Variants in EMC10 observed in about 807,000 individuals in gnomAD.
EMC10 encodes UPF0510 protein INM02.
EMC10 carries 40 observed loss-of-function variants against 32.2 expected under a neutral mutation model. The ratio of observed to expected loss-of-function variants is 1.24; its 90% CI spans 0.96 to 1.61. The LOEUF is 1.61. Ranked by LOEUF, EMC10 falls within the 40% of genes most tolerant of loss-of-function variation. EMC10 has a pLI of 0.00. For synonymous variants in EMC10, 178 were observed against 158.4 expected (o/e 1.12, Z -0.93); for missense variants, 402 against 357.7 (o/e 1.12, Z -1.00).
chr19:50,476,718 C>A, intron 1 of EMC10, 60 bp downstream of exon 1: 1 of 1,099,934 alleles, frequency 9.1e-7, no homozygotes, highest in Non-Finnish European at 1.2e-6. Flanking sequence ...GGTCTTGGGT[C>A]TTTAGGTGAG....
Position 50,486,577 on chromosome 19 carries a change from T to C in EMC10, c.*4318T>C, listed in dbSNP as rs992066981. On this transcript the variant is annotated 3_prime_UTR_variant, in exon 7 of 7. Coordinates refer to ENST00000334976, the MANE Select transcript of EMC10 (RefSeq NM_206538.4). ...TCTTCAGCTGTCAGTCCATCCTCCTTTATTTGTACCCACCTTCCAGTCAGC... is the reference window on the plus strand; with the variant it reads ...TCTTCAGCTGTCAGTCCATCCTCCTCTATTTGTACCCACCTTCCAGTCAGC... 3.3e-5 allele frequency: 5 copies of C among 152,114 alleles called. No individual in the cohort carries two copies. Among genetic ancestry groups the C allele is most frequent in the African/African-American group, 7.2e-5 (3 of 41,418 alleles). The allele number at this position is 152,114 out of a possible 1,614,324, so 9.4% of individuals were successfully genotyped here. A position where few individuals can be genotyped will look rare whatever the true frequency, so the allele number is the denominator to read the frequency against.
Position 50,479,028 on chromosome 19 carries a change from CA to C in EMC10, c.260del (p.Gln87ArgfsTer18). The C allele has an allele frequency of 6.2e-7, 1 of 1,610,422 alleles. No homozygotes were observed. Among genetic ancestry groups the C allele is most frequent in the Non-Finnish European group, 8.5e-7 (1 of 1,179,236 alleles). ...GCAGGATGGTACCTTGTCCCTGTCA[CA>C]GCGGCAGCTCAGCGAGGAGGAGCGG... ...NQQDGTLSLS[Q>X]RQLSEEERGR... On this transcript the variant is annotated frameshift_variant, in exon 3 of 7. Coordinates refer to ENST00000334976, the MANE Select transcript of EMC10 (RefSeq NM_206538.4). LOFTEE classifies it high-confidence loss of function.
Position 50,483,988 on chromosome 19 carries a change from C to T in EMC10, c.*1729C>T, listed in dbSNP as rs2040361817. On this transcript the variant is annotated 3_prime_UTR_variant, in exon 7 of 7. Transcript: ENST00000334976. ...CATGTGAATCCTGCTTCATTCTTTTCCTAGAGGATTCCAGAAATATTTACT... is the reference window on the plus strand; with the variant it reads ...CATGTGAATCCTGCTTCATTCTTTTTCTAGAGGATTCCAGAAATATTTACT... The T allele has an allele frequency of 7.1e-6, 1 of 140,780 alleles. No homozygotes were observed. The highest frequency in any genetic ancestry group is 1.5e-5 in the Non-Finnish European group (1 of 65,666). The allele number at this position is 140,780 out of a possible 1,614,324, so 8.7% of individuals were successfully genotyped here.
At chr19:50,481,556 A>C in intron 6 of EMC10, 1 of 428,434 alleles carries the variant, frequency 2.3e-6, no homozygotes, top group Non-Finnish European at 4.2e-6. Context: ...GACTGGTGTT[A>C]GGTTGTGGCA....
intron 6 of EMC10, chr19:50,481,854 TC>T: frequency 6.4e-7 from 1 of 1,567,740 alleles, no homozygotes; most frequent in Non-Finnish European, 8.6e-7. Context: ...GCTCCCTCCC[TC>T]CCCAGTGGCA....
At position 50,485,170 on chromosome 19, in the gene EMC10, G is replaced by A. The variant is rs929594106; in HGVS notation, c.*2911G>A. The A allele has an allele frequency of 6.6e-6, 1 of 152,222 alleles. No homozygotes were observed. The highest frequency in any genetic ancestry group is 2.4e-5 in the African/African-American group (1 of 41,424). The allele number at this position is 152,222 out of a possible 1,614,324, so 9.4% of individuals were successfully genotyped here. ...CTGCTGCATCATTTTGCACACATAT[G>A]TGTCTGTGGAAGACATGGCCCGGTG... is the stretch of plus-strand genomic sequence containing the variant. On this transcript the variant is annotated 3_prime_UTR_variant, in exon 7 of 7. Coordinates refer to ENST00000334976, the MANE Select transcript of EMC10 (RefSeq NM_206538.4).
Position 50,480,872 on chromosome 19 carries a change from C to A in EMC10, c.585-12C>A. 1 of 1,596,294 alleles carries A rather than the reference C, an allele frequency of 6.3e-7. No individual in the cohort carries two copies. The highest frequency in any genetic ancestry group is 8.6e-7 in the Non-Finnish European group (1 of 1,168,496). ...CGGGCCTCACCCTTCTCCTCCTCTC[C>A]CCTTGCCCCAGCCCTGAGACGGCGG... On this transcript the variant is annotated splice_polypyrimidine_tract_variant and intron_variant, in intron 5 of 6. Transcript: ENST00000334976. The surrounding 1 kb of genome is among the most constrained non-coding windows in gnomAD (Gnocchi z 4.4).
chr19:50,480,739 G>A lies in EMC10; in HGVS notation c.561G>A (p.Leu187=), dbSNP rs148959167. ...DLELFNTSVQ[L]QPPTTAPGPE... ...AGCTGTTCAACACCTCGGTGCAGCT[G>A]CAGCCGCCCACCACAGCCCCAGGGT... The change falls in exon 5 of 7, where the codon CTG becomes CTA. Residue 187 remains leucine, a synonymous_variant. Coordinates refer to ENST00000334976, the MANE Select transcript of EMC10 (RefSeq NM_206538.4). This position sits in a 1 kb window ranked among gnomAD's most constrained non-coding sequence, Gnocchi z 4.4. The A allele has an allele frequency of 6.1e-5, 97 of 1,598,016 alleles. No homozygotes were observed. Among genetic ancestry groups the A allele is most frequent in the Non-Finnish European group, 8.1e-5 (95 of 1,172,572 alleles).
rs778882014 is a variant in EMC10 at position 50,480,667 on chromosome 19, G to A, written c.489G>A (p.Thr163=). 8.1e-6 allele frequency: 13 copies of A among 1,598,462 alleles called. No individual in the cohort carries two copies. The highest frequency in any genetic ancestry group is 1.7e-4 in the Middle Eastern group (1 of 6,042). ...AGNVVGVSVV[T]HPGGCRGHEV... Reference sequence around the variant, plus strand: ...ACGTGGTGGGCGTGTCGGTGGTGACGCACCCCGGGGGCTGCCGGGGCCATG... The same window carrying A: ...ACGTGGTGGGCGTGTCGGTGGTGACACACCCCGGGGGCTGCCGGGGCCATG... Residue 163 remains threonine, a synonymous_variant, in exon 5 of 7, where the codon ACG becomes ACA. Coordinates refer to ENST00000334976, the MANE Select transcript of EMC10 (RefSeq NM_206538.4). This position sits in a 1 kb window ranked among gnomAD's most constrained non-coding sequence, Gnocchi z 4.4.
intron 3 of EMC10, 61 bp downstream of exon 3, chr19:50,479,127 C>A: frequency 1.5e-6 from 2 of 1,331,284 alleles, no homozygotes; most frequent in Non-Finnish European, 2.1e-6. Flanking sequence ...GCTGTCTCTT[C>A]AGCCACCCCC....
At position 50,488,219 on chromosome 19, in the gene EMC10, C is replaced by T. The variant is rs1978444861; in HGVS notation, c.*5960C>T. 1 of 145,816 alleles carries T rather than the reference C, an allele frequency of 6.9e-6. No individual in the cohort carries two copies. Among genetic ancestry groups the T allele is most frequent in the Non-Finnish European group, 1.5e-5 (1 of 67,066 alleles). The allele number at this position is 145,816 out of a possible 1,614,324, so 9.0% of individuals were successfully genotyped here. On this transcript the variant is annotated 3_prime_UTR_variant, in exon 7 of 7. Coordinates refer to ENST00000334976, the MANE Select transcript of EMC10 (RefSeq NM_206538.4). Reference sequence around the variant, plus strand: ...GCTGAGGCAGGAGAATGGCGTGAACCCTGGAGGCGGAGCTTGCAGTGAGCC... The same window carrying T: ...GCTGAGGCAGGAGAATGGCGTGAACTCTGGAGGCGGAGCTTGCAGTGAGCC...
intron 6 of EMC10, 58 bp from the exon 7 acceptor site, chr19:50,482,091 T>A: frequency 2.9e-6 from 4 of 1,392,756 alleles, no homozygotes; most frequent in Non-Finnish European, 3.1e-6. Flanking sequence ...CACACTCACC[T>A]CCTTCCCCTC....
At chr19:50,481,650 A>G (rs1411396672) in intron 6 of EMC10, 2 of 556,542 alleles carry the variant, frequency 3.6e-6, no homozygotes, top group Non-Finnish European at 6.3e-6. Flanking sequence ...GGGATGGCTG[A>G]GCCCTGCTGT....
At position 50,489,187 on chromosome 19, in the gene EMC10, A is replaced by C. The variant is rs1978517828; in HGVS notation, c.*6928A>C. On this transcript the variant is annotated 3_prime_UTR_variant, in exon 7 of 7. Transcript: ENST00000334976. The stretch of plus-strand genomic sequence containing the variant: ...AAAAAATACAAAAAAGGGCAGAGAG[A>C]AAAGAACAGGCCGGGCATGGTGCCT... 6.6e-6 allele frequency: 1 copy of C among 152,448 alleles called. No individual in the cohort carries two copies. Among genetic ancestry groups the C allele is most frequent in the Non-Finnish European group, 1.5e-5 (1 of 68,240 alleles). The allele number at this position is 152,448 out of a possible 1,614,324, so 9.4% of individuals were successfully genotyped here. A position where few individuals can be genotyped will look rare whatever the true frequency, so the allele number is the denominator to read the frequency against.
intron 6 of EMC10, 174 bp downstream of exon 6, chr19:50,481,151 G>A: frequency 1.7e-6 from 1 of 600,272 alleles, no homozygotes. Flanking sequence ...AAGAGGGTAT[G>A]GAAGTGTGGT....
rs529601763 is a variant in EMC10, at chr19:50,483,214, A to G, written c.*955A>G. 3 of 432,170 alleles carry G rather than the reference A, an allele frequency of 6.9e-6. No homozygotes were observed. Among genetic ancestry groups the G allele is most frequent in the East Asian group, 1.4e-4 (2 of 13,866 alleles). 26.8% of individuals were successfully genotyped at this position (432,170 alleles called of 1,614,324 possible). Reference sequence around the variant, plus strand: ...TTTGGCAAGACGGTCCTGATGTACAAGCTTGATTGAAATTCACTGCTCACT... The same window carrying G: ...TTTGGCAAGACGGTCCTGATGTACAGGCTTGATTGAAATTCACTGCTCACT... On this transcript the variant is annotated 3_prime_UTR_variant, in exon 7 of 7. Transcript: ENST00000334976.
chr19:50,482,325 G>C lies in EMC10; in HGVS notation c.*66G>C, dbSNP rs1235889878. The C allele has an allele frequency of 2.8e-6, 2 of 716,494 alleles. No homozygotes were observed. The highest frequency in any genetic ancestry group is 1.8e-5 in the African/African-American group (1 of 56,608). The allele number at this position is 716,494 out of a possible 1,614,324, so 44.4% of individuals were successfully genotyped here. A position where few individuals can be genotyped will look rare whatever the true frequency, so the allele number is the denominator to read the frequency against. On this transcript the variant is annotated 3_prime_UTR_variant, in exon 7 of 7. Transcript: ENST00000334976. ...GCCTCCCTTTCTGCTGGAGTCCCCT[G>C]TGTCCTCAGCCATCCCAAGAAGGGT...
rs1467189713 is a variant in EMC10, at chr19:50,483,923, C to T, written c.*1664C>T. ...CATTGCTAACTTCTGTTTCTTTCTC[C>T]ACCTGCAGGAGATAGCTTATGCTTT... is the stretch of plus-strand genomic sequence containing the variant. On this transcript the variant is annotated 3_prime_UTR_variant, in exon 7 of 7. Coordinates refer to ENST00000334976, the MANE Select transcript of EMC10 (RefSeq NM_206538.4). The T allele has an allele frequency of 6.6e-6, 1 of 151,724 alleles. No individual in the cohort carries two copies. Among genetic ancestry groups the T allele is most frequent in the Non-Finnish European group, 1.5e-5 (1 of 68,008 alleles). 9.4% of individuals were successfully genotyped at this position (151,724 alleles called of 1,614,324 possible).
At chr19:50,481,042 C>T in intron 6 of EMC10, 65 bp downstream of exon 6, 1 of 1,311,212 alleles carries the variant, frequency 7.6e-7, no homozygotes, top group Non-Finnish European at 1.1e-6. Flanking sequence ...GCCAGGCCCT[C>T]CATGCTCCCA....
Sources: allele counts gnomAD v4.1 joint callset, GRCh38; gene constraint gnomAD v4.1.1; non-coding constraint Gnocchi (gnomAD v3.1); transcripts MANE v1.5; gene names NCBI Gene and HGNC (gene_info 2026-07-23, HGNC 2026-07-21).